The following NAALAD2 variants were observed in gnomAD, a reference collection of about 807,000 sequenced individuals.
NAALAD2 encodes N-acetylated-alpha-linked acidic dipeptidase 2.
A neutral mutation model predicts 95.6 loss-of-function variants in NAALAD2; 89 were observed. That is an observed-to-expected ratio of 0.93 (90% CI 0.78 to 1.11). The LOEUF (loss-of-function observed/expected upper bound fraction) is 1.11. NAALAD2 is among the 50% of genes least tolerant of loss of function. The pLI is 0.00. For synonymous variants in NAALAD2, 264 were observed against 294.4 expected (o/e 0.90, Z 1.06); for missense variants, 894 against 872.4 (o/e 1.02, Z -0.31).
chr11:90,167,544 G>A (rs1952506912), intron 11 of NAALAD2, among the ~76,000 whole-genome samples: 1 of 152,210 alleles, frequency 6.6e-6, no homozygotes, highest in Non-Finnish European at 1.5e-5. Flanking sequence ...TCGTGGGACT[G>A]GCAGGCAGCT....
chr11:90,189,147 G>T (rs187426792), intron 18 of NAALAD2, among the ~76,000 whole-genome samples: 1 of 152,178 alleles, frequency 6.6e-6, no homozygotes, highest in Admixed American at 6.5e-5. Context: ...CTAAAATGCA[G>T]TTGCGGATTT....
upstream of NAALAD2, among the ~76,000 whole-genome samples, chr11:90,132,681 A>T (rs571904973): frequency 6.6e-6 from 1 of 152,340 alleles, no homozygotes; most frequent in South Asian, 2.1e-4. Flanking sequence ...CTCTTGGAAA[A>T]TGTTTCTTAA....
In NAALAD2 at chr11:90,149,145, G is replaced by T. The variant is rs368467866; in HGVS notation, c.483+38G>T. 3.5e-5 allele frequency: 47 copies of T among 1,358,648 alleles called. No homozygotes were observed. The African/African-American group carries it at 6.6e-4, about 19-fold the overall frequency. The allele number at this position is 1,358,648 out of a possible 1,614,324, so 84.2% of individuals were successfully genotyped here. A position where few individuals can be genotyped will look rare whatever the true frequency, so the allele number is the denominator to read the frequency against. On this transcript the variant is annotated intron_variant, in intron 4 of 18. Transcript: ENST00000534061. The stretch of plus-strand genomic sequence containing the variant: ...ACTTTTGTAATCCAAGTCTTTAAAT[G>T]GTTCTTTTGCTATGTAAAACCTGTA...
At chr11:90,182,812 C>G (rs988854455) in intron 17 of NAALAD2, 104 bp from the exon 18 acceptor site, 2 of 755,504 alleles carry the variant, frequency 2.6e-6, no homozygotes, top group Non-Finnish European at 4.3e-6. Context: ...AAAAATTGAT[C>G]AATTTTAGAA....
chr11:90,160,180 G>T (rs1427947541), intron 8 of NAALAD2, among the ~76,000 whole-genome samples: 1 of 152,122 alleles, frequency 6.6e-6, no homozygotes, highest in African/African-American at 2.4e-5. Flanking sequence ...ATCACAAATT[G>T]TGTGTTTATT....
chr11:90,153,153 C>G lies in NAALAD2; in HGVS notation c.796+669C>G, dbSNP rs190314270. Among the ~76,000 whole-genome samples, 3 of 152,210 alleles carry G rather than the reference C, an allele frequency of 2.0e-5. No homozygotes were observed. The East Asian group carries it at 5.8e-4, about 29-fold the overall frequency. On this transcript the variant is annotated intron_variant, in intron 6 of 18. Transcript: ENST00000534061. The stretch of plus-strand genomic sequence containing the variant: ...TCTTTCTTTTGCTGAGTAGTATTCC[C>G]TTGAATGGCTATAGCACAGTTTATT...
intron 2 of NAALAD2, among the ~76,000 whole-genome samples, chr11:90,140,401 A>T: frequency 6.6e-6 from 1 of 152,242 alleles, no homozygotes; most frequent in Non-Finnish European, 1.5e-5. Flanking sequence ...AAAACAGTAA[A>T]TGATAAAATA....
intron 15 of NAALAD2, among the ~76,000 whole-genome samples, chr11:90,177,421 G>A (rs1208070980): frequency 6.6e-6 from 1 of 151,016 alleles, no homozygotes; most frequent in African/African-American, 2.4e-5. Context: ...AGGAGAAAAT[G>A]TTCAAGGTGT....
At chr11:90,145,025 G>A (rs572077660) in intron 2 of NAALAD2, among the ~76,000 whole-genome samples, 69 of 152,188 alleles carry the variant, frequency 4.5e-4, no homozygotes, top group South Asian at 1.7e-3. Flanking sequence ...TCCCAGCCCA[G>A]GAATCTCTTG....
In NAALAD2 at chr11:90,191,889, A is replaced by T; in HGVS notation, c.*142A>T. The T allele has an allele frequency of 1.8e-6, 1 of 542,020 alleles. No individual in the cohort carries two copies. 33.6% of individuals were successfully genotyped at this position (542,020 alleles called of 1,614,324 possible). ...TATAGGCTTTGGTCTTTTCATCTGC[A>T]AAGCCTTTTTTTTTTGCTCTTTAAA... is the stretch of plus-strand genomic sequence containing the variant. On this transcript the variant is annotated 3_prime_UTR_variant, in exon 19 of 19. Transcript: ENST00000534061.
At chr11:90,141,887 C>A (rs1189491418) in intron 2 of NAALAD2, among the ~76,000 whole-genome samples, 1 of 152,002 alleles carries the variant, frequency 6.6e-6, no homozygotes, top group Non-Finnish European at 1.5e-5. Flanking sequence ...ACCTGTATGC[C>A]TTTTACTTTT....
chr11:90,160,734 G>T (rs1952269891), intron 8 of NAALAD2, among the ~76,000 whole-genome samples: 1 of 152,122 alleles, frequency 6.6e-6, no homozygotes, highest in African/African-American at 2.4e-5. Flanking sequence ...TATAACTTCA[G>T]TTCTACAATT....
chr11:90,182,660 C>T (rs1953007611), intron 17 of NAALAD2, among the ~76,000 whole-genome samples: 1 of 151,826 alleles, frequency 6.6e-6, no homozygotes, highest in South Asian at 2.1e-4. Flanking sequence ...TCTTTGAGTC[C>T]CTTTTGATTG....
At chr11:90,167,425 GC>G (rs1162866690) in intron 11 of NAALAD2, among the ~76,000 whole-genome samples, 1 of 152,142 alleles carries the variant, frequency 6.6e-6, no homozygotes, top group East Asian at 1.9e-4. Context: ...CTGAGCCTGC[GC>G]CCCCGCCGCG....
rs777229007 is a variant in NAALAD2, at chr11:90,134,750, C to T, written c.-9C>T. On this transcript the variant is annotated 5_prime_UTR_variant, in exon 1 of 19. Coordinates refer to ENST00000534061, the MANE Select transcript of NAALAD2 (RefSeq NM_005467.4). ...TAGCAGGCGCCCCAAGCTCGGTCCT[C>T]AAGAAGCCATGGCGGAATCCAGGGG... 4 of 1,613,488 alleles carry T rather than the reference C, an allele frequency of 2.5e-6. No individual in the cohort carries two copies. In the African/African-American group the frequency reaches 4.0e-5, roughly 16 times the overall value.
At chr11:90,186,970 A>C (rs1310867299) in intron 18 of NAALAD2, among the ~76,000 whole-genome samples, 1 of 148,756 alleles carries the variant, frequency 6.7e-6, no homozygotes, top group Admixed American at 6.8e-5. Context: ...GAACTCAAAC[A>C]AATTTACAAG....
chr11:90,166,995 C>T (rs1952473409), intron 11 of NAALAD2, among the ~76,000 whole-genome samples: 2 of 152,168 alleles, frequency 1.3e-5, no homozygotes, highest in Non-Finnish European at 1.5e-5. Context: ...ATTAAAAATA[C>T]AAAAATTAGC....
intron 4 of NAALAD2, among the ~76,000 whole-genome samples, chr11:90,149,644 G>A (rs764991190): frequency 2.0e-5 from 3 of 151,792 alleles, no homozygotes; most frequent in Non-Finnish European, 2.9e-5. Context: ...CTCTATGTTG[G>A]TCAGGCTAGT....
intron 8 of NAALAD2, 166 bp from the exon 9 acceptor site, chr11:90,162,783 C>T (rs1952332769): frequency 6.7e-6 from 3 of 445,212 alleles, no homozygotes; most frequent in South Asian, 1.0e-4. Flanking sequence ...AATGCTTCAA[C>T]AGTGTTAACA....
Sources: allele counts gnomAD v4.1 joint callset (sites outside exome capture counted in the v4.1 genomes callset), GRCh38; gene constraint gnomAD v4.1.1; transcripts MANE v1.5; gene names NCBI Gene and HGNC (gene_info 2026-07-23, HGNC 2026-07-21).